The following ACSBG2 variants were observed in gnomAD, a reference collection of about 807,000 sequenced individuals.
The protein encoded by ACSBG2 is long-chain-fatty-acid--CoA ligase ACSBG2.
ACSBG2 carries 62 observed loss-of-function variants against 74.7 expected under a neutral mutation model. The observed-to-expected ratio is 0.83, with a 90% CI of 0.68 to 1.03. The LOEUF is 1.03. Among genes scored for constraint, ACSBG2 ranks in the 50% least tolerant of loss-of-function variants. The pLI is 0.00. For synonymous variants in ACSBG2, 309 were observed against 294.1 expected, an observed-to-expected ratio of 1.05 and a Z score of -0.52; for missense variants, 730 against 817.6, an observed-to-expected ratio of 0.89 and a Z score of 1.31.
At chr19:6,177,207 T>G in intron 7 of ACSBG2, 22 bp from the exon 8 acceptor site, 1 of 1,612,582 alleles carries the variant, frequency 6.2e-7, no homozygotes, top group Non-Finnish European at 8.5e-7. Flanking sequence ...TGAGGCACCT[T>G]GGATTGTCCC....
rs115199498 is a variant in ACSBG2 at position 6,165,082 on chromosome 19, C to G, written c.589-784C>G. Among the ~76,000 whole-genome samples the G allele has an allele frequency of 6.1e-3, 932 of 152,302 alleles. 11 individuals are homozygous for G. Among genetic ancestry groups the G allele is most frequent in the African/African-American group, 0.021 (889 of 41,550 alleles). On this transcript the variant is annotated intron_variant, in intron 6 of 14. Coordinates refer to ENST00000588485, the MANE Select transcript of ACSBG2 (RefSeq NM_030924.5). ...GACCCCAAATGGCTTAAGCAACAAA[C>G]AAACAAAAAGATAATCTGTTGGACC...
intron 7 of ACSBG2, among the ~76,000 whole-genome samples, chr19:6,167,983 A>ACCCCCC (rs147087169): frequency 3.5e-5 from 1 of 28,528 alleles, no homozygotes; most frequent in African/African-American, 7.2e-5. Flanking sequence ...CCTCACCCCC[A>ACCCCCC]CCCCCAGTCT....
rs189373308 is a variant in ACSBG2 at position 6,186,886 on chromosome 19, C to T, written c.1541-397C>T. Among the ~76,000 whole-genome samples, 167 of 152,076 alleles carry T rather than the reference C, an allele frequency of 1.1e-3. 1 individual carries two copies. The highest frequency in any genetic ancestry group is 3.7e-3 in the African/African-American group (155 of 41,480). On this transcript the variant is annotated intron_variant, in intron 11 of 14. Transcript: ENST00000588485. ...CACCCGGCTATTTTTTTGCAGAGACCCAATTTCACTGTGTTGCCCAGGTTG... is the reference window on the plus strand; with the variant it reads ...CACCCGGCTATTTTTTTGCAGAGACTCAATTTCACTGTGTTGCCCAGGTTG...
At chr19:6,136,979 C>T (rs2088596020) in intron 1 of ACSBG2, among the ~76,000 whole-genome samples, 1 of 152,162 alleles carries the variant, frequency 6.6e-6, no homozygotes, top group South Asian at 2.1e-4. Flanking sequence ...TTCCAGGCTC[C>T]TTTTTTGTGA....
chr19:6,161,129 G>C, intron 5 of ACSBG2, 86 bp from the exon 6 acceptor site: 1 of 1,076,234 alleles, frequency 9.3e-7, no homozygotes, highest in African/African-American at 1.6e-5. Flanking sequence ...AGAGTTGCTG[G>C]AGAGAGCTTA....
chr19:6,154,351 T>G (rs534072635), intron 4 of ACSBG2, among the ~76,000 whole-genome samples: 1 of 146,730 alleles, frequency 6.8e-6, no homozygotes, highest in Non-Finnish European at 1.5e-5. Context: ...TGAGCCGAGA[T>G]CATGCCATTG....
intron 8 of ACSBG2, 102 bp from the exon 9 acceptor site, chr19:6,182,649 G>A (rs951862879): frequency 8.7e-7 from 1 of 1,155,300 alleles, no homozygotes; most frequent in East Asian, 2.5e-5. Flanking sequence ...TCTGATCAGT[G>A]AAGGAATGTT....
intron 1 of ACSBG2, among the ~76,000 whole-genome samples, chr19:6,136,940 T>C (rs2088594334): frequency 6.6e-6 from 1 of 152,084 alleles, no homozygotes. Flanking sequence ...CCAAAGCTAC[T>C]GAGCATCTTG....
At chr19:6,182,480 T>G (rs548806830) in intron 8 of ACSBG2, among the ~76,000 whole-genome samples, 1 of 152,358 alleles carries the variant, frequency 6.6e-6, no homozygotes, top group South Asian at 2.1e-4. Flanking sequence ...GAAGTGAAGT[T>G]GACAGGTTGC....
chr19:6,162,727 A>G (rs2089668385), intron 6 of ACSBG2, among the ~76,000 whole-genome samples: 1 of 152,096 alleles, frequency 6.6e-6, no homozygotes, highest in African/African-American at 2.4e-5. Context: ...TGGGGCAGGT[A>G]ATTCTCTAAG....
intron 7 of ACSBG2, among the ~76,000 whole-genome samples, chr19:6,167,709 T>A (rs140076926): frequency 3.7e-3 from 559 of 152,308 alleles, no homozygotes; most frequent in Non-Finnish European, 5.0e-3. Flanking sequence ...GACTAAGGTC[T>A]ATATGTAAAT....
chr19:6,166,026 G>C lies in ACSBG2; in HGVS notation c.738+11G>C, dbSNP rs1386170953. 4 of 1,613,490 alleles carry C rather than the reference G, an allele frequency of 2.5e-6. No individual in the cohort carries two copies. The African/African-American group carries it at 5.3e-5, about 22-fold the overall frequency. ...CTCAGTCATGACAACGTACGCCAAA[G>C]TCCCTTTGCTCTGGAGTGGTGGCCT... On this transcript the variant is annotated intron_variant, in intron 7 of 14. Coordinates refer to ENST00000588485, the MANE Select transcript of ACSBG2 (RefSeq NM_030924.5).
intron 3 of ACSBG2, among the ~76,000 whole-genome samples, chr19:6,151,162 A>G (rs746797185): frequency 2.0e-5 from 3 of 151,906 alleles, no homozygotes; most frequent in Non-Finnish European, 2.9e-5. Context: ...TAGATATTTT[A>G]CCACAATAAA....
chr19:6,166,328 G>GTT (rs1352161940), intron 7 of ACSBG2, among the ~76,000 whole-genome samples: 1 of 137,392 alleles, frequency 7.3e-6, no homozygotes, highest in Non-Finnish European at 1.6e-5. Context: ...GTGTGTGTGT[G>GTT]TGTTTTGAGA....
chr19:6,150,177 C>G (rs1326501189), intron 3 of ACSBG2, among the ~76,000 whole-genome samples: 1 of 151,582 alleles, frequency 6.6e-6, no homozygotes, highest in Non-Finnish European at 1.5e-5. Context: ...CAAAACACAA[C>G]ACGTGTTGGG....
At chr19:6,188,153 C>A (rs2090460820) in intron 13 of ACSBG2, among the ~76,000 whole-genome samples, 1 of 152,198 alleles carries the variant, frequency 6.6e-6, no homozygotes, top group African/African-American at 2.4e-5. Flanking sequence ...GGCCTTTGCA[C>A]CTGCCAGTCT....
intron 3 of ACSBG2, 59 bp from the exon 4 acceptor site, chr19:6,151,648 T>C (rs1568224057): frequency 6.7e-7 from 1 of 1,489,042 alleles, no homozygotes; most frequent in Non-Finnish European, 9.2e-7. Context: ...TCACATATCC[T>C]AATGATATAA....
chr19:6,179,628 T>C (rs1828233567), intron 8 of ACSBG2, among the ~76,000 whole-genome samples: 1 of 152,176 alleles, frequency 6.6e-6, no homozygotes, highest in Non-Finnish European at 1.5e-5. Context: ...TTTATTTATT[T>C]AGAAATGGAG....
Position 6,161,236 on chromosome 19 carries a change from C to G in ACSBG2, c.529C>G (p.Pro177Ala), listed in dbSNP as rs1308107956. The G allele has an allele frequency of 1.2e-6, 2 of 1,613,666 alleles. No homozygotes were observed. Among genetic ancestry groups the G allele is most frequent in the Non-Finnish European group, 1.7e-6 (2 of 1,179,668 alleles). ...TCAGATTCCACAGAGCAGCCTAGAG[C>G]CCCTAAAAGCGATCATCCAGTACAG... Reference protein sequence around the residue: ...ILSIPQSSLEPLKAIIQYRLP... With the variant: ...ILSIPQSSLEALKAIIQYRLP... The change falls in exon 6 of 15, where the codon CCC becomes GCC. Residue 177 changes from proline to alanine, a missense_variant. By Grantham distance (27) the Pro-to-Ala change is conservative (BLOSUM62 -1). Coordinates refer to ENST00000588485, the MANE Select transcript of ACSBG2 (RefSeq NM_030924.5).
Sources: gnomAD v4.1 joint callset for allele counts (sites outside exome capture counted in the v4.1 genomes callset) on GRCh38, gnomAD v4.1.1 for gene constraint, MANE v1.5 for transcripts, NCBI Gene and HGNC (gene_info 2026-07-23, HGNC 2026-07-21) for gene names.